The following SPATA17 variants were observed in gnomAD, a reference collection of about 807,000 sequenced individuals.
SPATA17 encodes the protein spermatogenesis-associated protein 17.
A neutral mutation model predicts 62.2 loss-of-function variants in SPATA17; 53 were observed. The ratio of observed to expected loss-of-function variants is 0.85; its 90% confidence interval spans 0.68 to 1.07. SPATA17 has a LOEUF of 1.07. Among genes scored for constraint, SPATA17 ranks in the 50% least tolerant of loss-of-function variants. SPATA17 has a pLI of 0.00. For missense variants in SPATA17, 466 were observed against 425.5 expected (o/e 1.10, Z -0.84); for synonymous variants, 146 against 146.8 (o/e 0.99, Z 0.04).
intron 7 of SPATA17, among the ~76,000 whole-genome samples, chr1:217,778,981 T>G (rs953376293): frequency 1.3e-5 from 2 of 152,064 alleles, no homozygotes; most frequent in Admixed American, 6.6e-5. Context: ...TTAGTATGTA[T>G]GGAATGCATA....
At chr1:217,749,983 C>CTATATATATATATATATATATA (rs1387385689) in intron 6 of SPATA17, among the ~76,000 whole-genome samples, 8 of 24,064 alleles carry the variant, frequency 3.3e-4, no homozygotes, top group Non-Finnish European at 4.9e-4. Flanking sequence ...CTCTCTCTCT[C>CTATATATATATATATATATATA]TCTATATATA....
At chr1:217,864,845 A>T (rs974649186) in intron 10 of SPATA17, among the ~76,000 whole-genome samples, 1 of 152,176 alleles carries the variant, frequency 6.6e-6, no homozygotes, top group African/African-American at 2.4e-5. Context: ...ATATGAAATA[A>T]TTACTTGCTA....
At chr1:217,639,840 GTC>G (rs1347049548) in intron 1 of SPATA17, among the ~76,000 whole-genome samples, 3 of 151,906 alleles carry the variant, frequency 2.0e-5, no homozygotes, top group Admixed American at 1.3e-4. Context: ...CACATGTATG[GTC>G]TCTCAATGAC....
intron 1 of SPATA17, among the ~76,000 whole-genome samples, chr1:217,640,349 A>G (rs557048727): frequency 6.6e-6 from 1 of 152,140 alleles, no homozygotes; most frequent in Non-Finnish European, 1.5e-5. Flanking sequence ...TCTATACCAC[A>G]TACAAAAAAG....
chr1:217,862,558 G>A (rs910238785), intron 9 of SPATA17, among the ~76,000 whole-genome samples: 4 of 152,166 alleles, frequency 2.6e-5, no homozygotes, highest in African/African-American at 9.7e-5. Flanking sequence ...ACCCATAACT[G>A]TTAAAGACTA....
chr1:217,871,047 G>T lies in SPATA17; in HGVS notation c.*4028G>T, dbSNP rs1676119266. 1 of 152,118 alleles carries T rather than the reference G, an allele frequency of 6.6e-6. No individual in the cohort carries two copies. Among genetic ancestry groups the T allele is most frequent in the Non-Finnish European group, 1.5e-5 (1 of 68,016 alleles). The allele number at this position is 152,118 out of a possible 1,614,324, so 9.4% of individuals were successfully genotyped here. A position where few individuals can be genotyped will look rare whatever the true frequency, so the allele number is the denominator to read the frequency against. ...CATTGTGGCCTGTTACTTTTAACTA[G>T]TCTCACTAATTTATAGTTATATATG... On this transcript the variant is annotated 3_prime_UTR_variant, in exon 11 of 11. Coordinates refer to ENST00000366933, the MANE Select transcript of SPATA17 (RefSeq NM_138796.4).
chr1:217,732,017 C>T (rs1465196614), intron 5 of SPATA17, among the ~76,000 whole-genome samples: 1 of 151,964 alleles, frequency 6.6e-6, no homozygotes, highest in Non-Finnish European at 1.5e-5. Context: ...TCCTTTCCTT[C>T]TAAATCTATC....
intron 3 of SPATA17, among the ~76,000 whole-genome samples, chr1:217,664,402 G>C (rs1008658928): frequency 6.9e-6 from 1 of 145,300 alleles, no homozygotes; most frequent in African/African-American, 2.6e-5. Context: ...CAATTCTCCT[G>C]TCTCAGCCTC....
chr1:217,793,082 T>C (rs915698681), intron 8 of SPATA17, among the ~76,000 whole-genome samples: 1 of 152,128 alleles, frequency 6.6e-6, no homozygotes, highest in Non-Finnish European at 1.5e-5. Context: ...ATATTGTGTA[T>C]TGAGATAAAG....
intron 6 of SPATA17, among the ~76,000 whole-genome samples, chr1:217,754,446 G>T (rs944395175): frequency 6.6e-6 from 1 of 151,966 alleles, no homozygotes; most frequent in Non-Finnish European, 1.5e-5. Context: ...AAAGAAATGG[G>T]GCTGTAATAG....
chr1:217,664,896 T>C (rs1670659378), intron 3 of SPATA17, among the ~76,000 whole-genome samples: 1 of 151,948 alleles, frequency 6.6e-6, no homozygotes, highest in Non-Finnish European at 1.5e-5. Context: ...TAAATGCTTA[T>C]AAGGAAAACA....
Position 217,708,748 on chromosome 1 carries a change from G to A in SPATA17, c.395+25387G>A, listed in dbSNP as rs1407242443. Among the ~76,000 whole-genome samples, 5 of 151,720 alleles carry A rather than the reference G, an allele frequency of 3.3e-5. No homozygotes were observed. The South Asian group carries it at 8.3e-4, about 25-fold the overall frequency. The stretch of plus-strand genomic sequence containing the variant: ...ACAACAAAAAAAAAAACTTCAGGCC[G>A]ATATCCTTGATGAACATAGATGCAA... On this transcript the variant is annotated intron_variant, in intron 5 of 10. Coordinates refer to ENST00000366933, the MANE Select transcript of SPATA17 (RefSeq NM_138796.4).
intron 6 of SPATA17, among the ~76,000 whole-genome samples, chr1:217,743,687 G>T (rs1168644145): frequency 6.6e-6 from 1 of 151,822 alleles, no homozygotes; most frequent in African/African-American, 2.4e-5. Flanking sequence ...TTGGCTCACT[G>T]CAACCTACAC....
At chr1:217,844,113 C>T (rs1675470666) in intron 9 of SPATA17, among the ~76,000 whole-genome samples, 1 of 152,096 alleles carries the variant, frequency 6.6e-6, no homozygotes, top group Non-Finnish European at 1.5e-5. Flanking sequence ...ACAGAAGCTT[C>T]CTAGGTCAGA....
At position 217,853,599 on chromosome 1, in the gene SPATA17, T is replaced by TA. The variant is rs776630345; in HGVS notation, c.1006-9174dup. On this transcript the variant is annotated intron_variant, in intron 9 of 10. Transcript: ENST00000366933. ...ATCAATTCTTGTTATCTGCAGTAGT[T>TA]ATGTTCTATAAAGTCACCTCAAACA... 5.9e-5 allele frequency among the ~76,000 whole-genome samples: 9 copies of TA among 152,288 alleles called. No individual in the cohort carries two copies. The East Asian group carries it at 9.7e-4, about 16-fold the overall frequency.
chr1:217,819,108 A>G (rs544834515), intron 9 of SPATA17, among the ~76,000 whole-genome samples: 1 of 151,714 alleles, frequency 6.6e-6, no homozygotes, highest in Non-Finnish European at 1.5e-5. Context: ...AGAATATTTA[A>G]TTCAATTTGA....
chr1:217,643,615 C>T (rs374631083), intron 1 of SPATA17, among the ~76,000 whole-genome samples: 1 of 151,966 alleles, frequency 6.6e-6, no homozygotes, highest in Non-Finnish European at 1.5e-5. Context: ...CAGTGCCCTA[C>T]TTTTCCTGCC....
intron 1 of SPATA17, among the ~76,000 whole-genome samples, chr1:217,635,016 C>T (rs1398278081): frequency 6.6e-6 from 1 of 150,776 alleles, no homozygotes; most frequent in Non-Finnish European, 1.5e-5. Flanking sequence ...GTCATTTATA[C>T]TATACACTAC....
At chr1:217,740,273 T>C (rs1428952731) in intron 5 of SPATA17, among the ~76,000 whole-genome samples, 1 of 151,998 alleles carries the variant, frequency 6.6e-6, no homozygotes, top group Non-Finnish European at 1.5e-5. Flanking sequence ...TACTTATATT[T>C]AGCATAATAT....
Sources: gnomAD v4.1 joint callset for allele counts (sites outside exome capture counted in the v4.1 genomes callset) on GRCh38, gnomAD v4.1.1 for gene constraint, MANE v1.5 for transcripts, NCBI Gene and HGNC (gene_info 2026-07-23, HGNC 2026-07-21) for gene names.